ZNF442: variants seen among roughly 807,000 people sequenced by gnomAD.
ZNF442 encodes zinc finger protein 442.
In ZNF442, 45 loss-of-function variants were observed where a neutral mutation model predicts 57.0. The observed-to-expected ratio is 0.79, with a 90% CI of 0.62 to 1.01. The LOEUF is 1.01. ZNF442 is among the 50% of genes least tolerant of loss of function. The pLI is 0.00. For synonymous variants in ZNF442, 213 were observed against 241.8 expected (o/e 0.88, Z 1.10); for missense variants, 690 against 756.5 (o/e 0.91, Z 1.03).
chr19:12,362,770 G>C (rs1046320380), intron 3 of ZNF442, among the ~76,000 whole-genome samples: 8 of 152,080 alleles, frequency 5.3e-5, no homozygotes, highest in Admixed American at 4.6e-4. Context: ...GAGTGGAAGT[G>C]GGGGAAGTGT....
chr19:12,352,001 G>A lies in ZNF442; in HGVS notation c.266+9C>T. On this transcript the variant is annotated intron_variant, in intron 5 of 5. Coordinates refer to ENST00000242804, the MANE Select transcript of ZNF442 (RefSeq NM_030824.3). ...AGATATATGTCTTTCTCTTGTGAGT[G>A]CAAATTACCTTAGGCTCCTCCTGGG... 2 of 1,611,688 alleles carry A rather than the reference G, an allele frequency of 1.2e-6. No homozygotes were observed. The highest frequency in any genetic ancestry group is 1.7e-6 in the Non-Finnish European group (2 of 1,178,716).
chr19:12,346,341 A>G lies in ZNF442; in HGVS notation c.*3360T>C, dbSNP rs1367380131. On this transcript the variant is annotated 3_prime_UTR_variant, in exon 6 of 6. Coordinates refer to ENST00000242804, the MANE Select transcript of ZNF442 (RefSeq NM_030824.3). Reference sequence around the variant, plus strand: ...AAACAACCAACAAAAACAAAAACCAATGTGCATTATTATTGGTCATTAGGG... The same window carrying G: ...AAACAACCAACAAAAACAAAAACCAGTGTGCATTATTATTGGTCATTAGGG... 2.0e-5 allele frequency: 3 copies of G among 152,232 alleles called. No individual in the cohort carries two copies. The highest frequency in any genetic ancestry group is 1.3e-4 in the Admixed American group (2 of 15,288). The allele number at this position is 152,232 out of a possible 1,614,324, so 9.4% of individuals were successfully genotyped here.
At position 12,351,160 on chromosome 19, in the gene ZNF442, G is replaced by T; in HGVS notation, c.425C>A (p.Pro142Gln). ...CTCTCCATATTCCTGACACTCATCT[G>T]GTTTGTGTCCAGCATCAAATGTGAT... Reference protein sequence around the residue: ...CYITFDAGHKPDECQEYGEKP... With the variant: ...CYITFDAGHKQDECQEYGEKP... Residue 142 changes from proline to glutamine, a missense_variant, in exon 6 of 6, where the codon CCA becomes CAA. Coordinates refer to ENST00000242804, the MANE Select transcript of ZNF442 (RefSeq NM_030824.3). The T allele has an allele frequency of 6.2e-7, 1 of 1,614,102 alleles. No homozygotes were observed. The highest frequency in any genetic ancestry group is 8.5e-7 in the Non-Finnish European group (1 of 1,180,014).
upstream of ZNF442, among the ~76,000 whole-genome samples, chr19:12,366,640 A>T (rs1969534673): frequency 6.6e-6 from 1 of 151,720 alleles, no homozygotes; most frequent in African/African-American, 2.4e-5. Flanking sequence ...TTTTTATTTT[A>T]TTTTTTTGGA....
At chr19:12,360,974 T>C (rs1969415692) in intron 3 of ZNF442, among the ~76,000 whole-genome samples, 2 of 152,132 alleles carry the variant, frequency 1.3e-5, no homozygotes, top group Admixed American at 1.3e-4. Context: ...GGAGGATCAT[T>C]TGAGGTTGGG....
the ZNF442 span, among the ~76,000 whole-genome samples, chr19:12,371,849 G>A: frequency 6.6e-6 from 1 of 152,148 alleles, no homozygotes; most frequent in African/African-American, 2.4e-5. Flanking sequence ...CACCCTGGAA[G>A]AAAACCTAGG....
At chr19:12,354,980 G>GA (rs896364120) in intron 3 of ZNF442, among the ~76,000 whole-genome samples, 5 of 151,700 alleles carry the variant, frequency 3.3e-5, no homozygotes, top group South Asian at 2.1e-4. Flanking sequence ...GATTAAATGA[G>GA]AAAAAAAATA....
At chr19:12,361,868 C>A (rs951798827) in intron 3 of ZNF442, among the ~76,000 whole-genome samples, 1 of 152,126 alleles carries the variant, frequency 6.6e-6, no homozygotes, top group Non-Finnish European at 1.5e-5. Context: ...TGCAGGAGCA[C>A]GCCACCACGC....
chr19:12,357,963 CT>C (rs796855751), intron 3 of ZNF442, among the ~76,000 whole-genome samples: 6,639 of 135,854 alleles, frequency 0.049, 344 homozygotes, highest in African/African-American at 0.15. Flanking sequence ...ATTTGCCCAC[CT>C]TTTTTTTTTT....
Position 12,349,975 on chromosome 19 carries a change from A to T in ZNF442, c.1610T>A (p.Ile537Asn). The T allele has an allele frequency of 1.9e-6, 3 of 1,613,468 alleles. No homozygotes were observed. Among genetic ancestry groups the T allele is most frequent in the Non-Finnish European group, 2.5e-6 (3 of 1,179,824 alleles). ...HFGNLKVHERIHTGEKPYECK... is the reference protein window; with the variant it reads ...HFGNLKVHERNHTGEKPYECK... ...TTCATATGGCTTCTCTCCAGTGTGA[A>T]TCCTTTCATGGACTTTTAAGTTACC... The change falls in exon 6 of 6, where the codon ATT becomes AAT. Residue 537 changes from isoleucine (I) to asparagine (N), a missense_variant. Transcript: ENST00000242804.
the ZNF442 span, among the ~76,000 whole-genome samples, chr19:12,372,162 A>G: frequency 6.6e-6 from 1 of 152,176 alleles, no homozygotes; most frequent in Non-Finnish European, 1.5e-5. Context: ...TCCAAAGAAG[A>G]CATACATGCA....
Position 12,350,397 on chromosome 19 carries a change from C to T in ZNF442, c.1188G>A (p.Met396Ile), listed in dbSNP as rs758796367. 6 of 1,613,430 alleles carry T rather than the reference C, an allele frequency of 3.7e-6. No homozygotes were observed. The African/African-American group carries it at 4.0e-5, about 11-fold the overall frequency. Residue 396 changes from methionine to isoleucine, a missense_variant, in exon 6 of 6, where the codon ATG becomes ATA. Met to Ile is a conservative substitution (Grantham distance 10). Coordinates refer to ENST00000242804, the MANE Select transcript of ZNF442 (RefSeq NM_030824.3). ...GAGGTCCATCTCCAGTGTGCATTAT[C>T]ATATGACTTCGAAAGCTTGAGTGAT... ...LSHHSSFRSH[M>I]IMHTGDGPHK...
Position 12,363,556 on chromosome 19 carries a change from A to G in ZNF442, c.76T>C (p.Tyr26His). The G allele has an allele frequency of 6.2e-7, 1 of 1,613,988 alleles. No individual in the cohort carries two copies. The highest frequency in any genetic ancestry group is 1.1e-5 in the South Asian group (1 of 91,082). ...DSQTNEERKQ[Y>H]DSVAFEDVAV... Reference sequence around the variant, plus strand: ...TGAGTGGGTTCTCCAGTGCTTACATATTGTTTTCTCTCTTCATTAGTCTGA... The same window carrying G: ...TGAGTGGGTTCTCCAGTGCTTACATGTTGTTTTCTCTCTTCATTAGTCTGA... Residue 26 changes from tyrosine (Y) to histidine (H), a missense_variant and splice_region_variant, in exon 3 of 6, where the codon TAT becomes CAT. Physicochemically the swap from Tyr to His is moderately conservative, Grantham distance 83. Coordinates refer to ENST00000242804, the MANE Select transcript of ZNF442 (RefSeq NM_030824.3).
In ZNF442 at chr19:12,346,791, C is replaced by T. The variant is rs1969137538; in HGVS notation, c.*2910G>A. 1 of 152,196 alleles carries T rather than the reference C, an allele frequency of 6.6e-6. No individual in the cohort carries two copies. Among genetic ancestry groups the T allele is most frequent in the South Asian group, 2.1e-4 (1 of 4,830 alleles). 9.4% of individuals were successfully genotyped at this position (152,196 alleles called of 1,614,324 possible). On this transcript the variant is annotated 3_prime_UTR_variant, in exon 6 of 6. Transcript: ENST00000242804. The stretch of plus-strand genomic sequence containing the variant: ...AAAAACAATGAGTTCCTGATACATG[C>T]TACCACATGGATAAACCTTGAAAAC...
At position 12,363,678 on chromosome 19, in the gene ZNF442, T is replaced by G; in HGVS notation, c.-40-7A>C. 2 of 1,559,464 alleles carry G rather than the reference T, an allele frequency of 1.3e-6. No individual in the cohort carries two copies. Among genetic ancestry groups the G allele is most frequent in the Non-Finnish European group, 1.8e-6 (2 of 1,130,572 alleles). On this transcript the variant is annotated splice_polypyrimidine_tract_variant and splice_region_variant and intron_variant, in intron 2 of 5. Coordinates refer to ENST00000242804, the MANE Select transcript of ZNF442 (RefSeq NM_030824.3). The stretch of plus-strand genomic sequence containing the variant: ...TGTCCCCAAGGAATGGAAACTGGGG[T>G]TGGGGAAGAACAAGGTGATTGTCCC...
intron 5 of ZNF442, chr19:12,351,787 GC>G (rs1351675476): frequency 5.2e-5 from 24 of 463,278 alleles, no homozygotes; most frequent in Non-Finnish European, 8.4e-5. Flanking sequence ...ACAGGCGTGA[GC>G]CACCGTGCCC....
chr19:12,363,587 A>T lies in ZNF442; in HGVS notation c.45T>A (p.Pro15=). 1 of 1,614,222 alleles carries T rather than the reference A, an allele frequency of 6.2e-7. No individual in the cohort carries two copies. The highest frequency in any genetic ancestry group is 1.1e-5 in the South Asian group (1 of 91,084). ...TTCTCTCTTCATTAGTCTGAGAGTCAGGAAGGAAGAGATCACTTCTGTCTT... is the reference window on the plus strand; with the variant it reads ...TTCTCTCTTCATTAGTCTGAGAGTCTGGAAGGAAGAGATCACTTCTGTCTT... ...GGEDRSDLFL[P]DSQTNEERKQ... is the part of the protein sequence containing the mutation. Residue 15 remains proline (P), a synonymous_variant, in exon 3 of 6, where the codon CCT becomes CCA. Coordinates refer to ENST00000242804, the MANE Select transcript of ZNF442 (RefSeq NM_030824.3).
At chr19:12,352,153 T>C (rs1353593299) in intron 4 of ZNF442, 83 bp from the exon 5 acceptor site, 5 of 1,316,950 alleles carry the variant, frequency 3.8e-6, no homozygotes, top group African/African-American at 1.5e-5. Context: ...AATGGAATCA[T>C]GCATGATTCA....
chr19:12,358,908 TAA>T (rs913936057), intron 3 of ZNF442, among the ~76,000 whole-genome samples: 1 of 152,134 alleles, frequency 6.6e-6, no homozygotes, highest in Non-Finnish European at 1.5e-5. Flanking sequence ...CAAATGTGTA[TAA>T]AACCAATGAC....
Sources: gnomAD v4.1 joint callset for allele counts (sites outside exome capture counted in the v4.1 genomes callset) on GRCh38, gnomAD v4.1.1 for gene constraint, MANE v1.5 for transcripts, NCBI Gene and HGNC (gene_info 2026-07-23, HGNC 2026-07-21) for gene names.